KLHL8: variants seen among roughly 807,000 people sequenced by gnomAD.
KLHL8 encodes kelch-like protein 8.
KLHL8 carries 38 observed loss-of-function variants against 63.5 expected under a neutral mutation model. The observed-to-expected ratio is 0.60, with a 90% confidence interval of 0.46 to 0.78. The LOEUF is 0.78. Ranked by LOEUF, KLHL8 falls within the 30% of genes least tolerant of loss-of-function variation. The pLI, the probability that KLHL8 is intolerant of heterozygous loss-of-function variation, is 0.00. For synonymous variants in KLHL8, 224 were observed against 254.3 expected, an observed-to-expected ratio of 0.88 and a Z score of 1.13; for missense variants, 566 against 752.4, an observed-to-expected ratio of 0.75 and a Z score of 2.90.
chr4:87,163,877 C>A lies in KLHL8; in HGVS notation c.1739+1G>T. ...AAGCACGGAGACAACATGTAAATTA[C>A]CTATTCAGCACTGGATCAAACGCTT... On this transcript the variant is annotated splice_donor_variant, in intron 9 of 9. Transcript: ENST00000273963. LOFTEE classifies it high-confidence loss of function. The A allele has an allele frequency of 6.2e-7, 1 of 1,612,808 alleles. No homozygotes were observed. The highest frequency in any genetic ancestry group is 1.1e-5 in the South Asian group (1 of 91,046).
At chr4:87,230,384 ATCAAGGT>A (rs1034011870) in intron 1 of KLHL8, among the ~76,000 whole-genome samples, 1 of 152,152 alleles carries the variant, frequency 6.6e-6, no homozygotes, top group African/African-American at 2.4e-5. Context: ...TCTGGCACCA[ATCAAGGT>A]GGAGAAGGGT....
chr4:87,168,635 TTTA>T (rs895021275), intron 8 of KLHL8, among the ~76,000 whole-genome samples: 54 of 150,702 alleles, frequency 3.6e-4, no homozygotes, highest in African/African-American at 1.2e-3. Flanking sequence ...ACTGGAGATT[TTTA>T]TTTTTTAAAA....
At chr4:87,174,289 T>C (rs1730735803) in intron 6 of KLHL8, among the ~76,000 whole-genome samples, 1 of 152,030 alleles carries the variant, frequency 6.6e-6, no homozygotes, top group Admixed American at 6.6e-5. Flanking sequence ...GCAAGTTTTT[T>C]TTTTTTGAGA....
chr4:87,177,884 T>C (rs1730890608), intron 5 of KLHL8, among the ~76,000 whole-genome samples: 3 of 152,152 alleles, frequency 2.0e-5, no homozygotes, highest in Admixed American at 2.0e-4. Flanking sequence ...GTTAATATGA[T>C]CAATTTTTTT....
intron 1 of KLHL8, among the ~76,000 whole-genome samples, chr4:87,210,306 T>A (rs1005390458): frequency 4.0e-5 from 6 of 151,696 alleles, no homozygotes; most frequent in Admixed American, 2.6e-4. Flanking sequence ...GGTGAAACCG[T>A]CTCTACTAAA....
chr4:87,233,226 A>G (rs1419614954), intron 1 of KLHL8, among the ~76,000 whole-genome samples: 1 of 152,028 alleles, frequency 6.6e-6, no homozygotes. Context: ...TATTTTTAGT[A>G]GAGACAGGGT....
intron 1 of KLHL8, chr4:87,207,770 C>G: frequency 1.2e-6 from 1 of 862,410 alleles, no homozygotes; most frequent in Admixed American, 1.8e-5. Context: ...GGGAAGCTCA[C>G]TGGCATGGCC....
chr4:87,201,764 A>G (rs1401393848), intron 1 of KLHL8, among the ~76,000 whole-genome samples: 2 of 152,236 alleles, frequency 1.3e-5, no homozygotes, highest in Non-Finnish European at 2.9e-5. Flanking sequence ...AAATGCACAC[A>G]TCTAAATAAT....
intron 8 of KLHL8, chr4:87,167,314 C>A: frequency 2.2e-6 from 1 of 457,274 alleles, no homozygotes. Context: ...TGTTCAAAGA[C>A]CTGTTCCACC....
intron 8 of KLHL8, chr4:87,167,789 A>C (rs1209673343): frequency 9.3e-6 from 2 of 214,466 alleles, no homozygotes; most frequent in Admixed American, 5.2e-5. Flanking sequence ...AGCTGTTGTT[A>C]AAGTATTTGT....
At chr4:87,185,183 T>G in intron 3 of KLHL8, 68 bp downstream of exon 3, 6 of 1,342,250 alleles carry the variant, frequency 4.5e-6, no homozygotes, top group Non-Finnish European at 6.1e-6. Flanking sequence ...CTTTTCCTAA[T>G]AAATGAAGCA....
rs1730271976 is a variant in KLHL8 at position 87,163,860 on chromosome 4, A to C, written c.1739+18T>G. ...TACCAGAAGATAATATAAAGCACGG[A>C]GACAACATGTAAATTACCTATTCAG... is the stretch of plus-strand genomic sequence containing the variant. On this transcript the variant is annotated intron_variant, in intron 9 of 9. Coordinates refer to ENST00000273963, the MANE Select transcript of KLHL8 (RefSeq NM_020803.5). 6.2e-7 allele frequency: 1 copy of C among 1,608,532 alleles called. No individual in the cohort carries two copies. The highest frequency in any genetic ancestry group is 1.3e-5 in the African/African-American group (1 of 74,788).
intron 1 of KLHL8, chr4:87,206,953 T>G (rs1214979993): frequency 1.2e-5 from 3 of 255,690 alleles, no homozygotes; most frequent in Non-Finnish European, 2.3e-5. Flanking sequence ...GAGTCATGAG[T>G]GACTGAATTA....
chr4:87,220,304 T>G (rs1006359531), intron 1 of KLHL8, 114 bp downstream of exon 1: 1 of 152,502 alleles, frequency 6.6e-6, no homozygotes, highest in Admixed American at 6.5e-5. Context: ...GGGACGGTGT[T>G]GCGACTTGGG....
At chr4:87,215,551 G>T (rs1732562454) in intron 1 of KLHL8, among the ~76,000 whole-genome samples, 1 of 152,192 alleles carries the variant, frequency 6.6e-6, no homozygotes. Context: ...TCACAAGTTT[G>T]TTTAGCATCA....
chr4:87,226,714 ATTAT>A lies in KLHL8; in HGVS notation n.58-5328_58-5325del, dbSNP rs1176790261. 1.8e-4 allele frequency among the ~76,000 whole-genome samples: 5 copies of A among 27,652 alleles called. 2 individuals carry two copies. Among genetic ancestry groups the A allele is most frequent in the Non-Finnish European group, 2.9e-4 (5 of 16,966 alleles). 18.1% of individuals were successfully genotyped at this position (27,652 alleles called of 152,430 possible). Reference sequence around the variant, plus strand: ...TATATATTATTTATATATAATATATATTATTTATATATAATATATATTATTTATA... The same window carrying A: ...TATATATTATTTATATATAATATATATTATATATAATATATATTATTTATA... On this transcript the variant is annotated intron_variant and non_coding_transcript_variant, in intron 1 of 1. Transcript: ENST00000506274.
upstream of KLHL8, among the ~76,000 whole-genome samples, chr4:87,222,880 G>A (rs1383958964): frequency 3.9e-5 from 6 of 152,124 alleles, no homozygotes; most frequent in African/African-American, 1.2e-4. Context: ...CACCACGCCC[G>A]GCCTACAATA....
At chr4:87,193,612 C>T (rs1271096449) in intron 2 of KLHL8, among the ~76,000 whole-genome samples, 1 of 152,104 alleles carries the variant, frequency 6.6e-6, no homozygotes, top group Non-Finnish European at 1.5e-5. Context: ...ATACATAAGC[C>T]TGTAACATAA....
chr4:87,198,698 C>T (rs1016873774), intron 1 of KLHL8, among the ~76,000 whole-genome samples: 3 of 152,152 alleles, frequency 2.0e-5, no homozygotes, highest in Admixed American at 2.0e-4. Context: ...ATGAGTAGCA[C>T]AAGAGATACT....
Sources: allele counts gnomAD v4.1 joint callset (sites outside exome capture counted in the v4.1 genomes callset), GRCh38; gene constraint gnomAD v4.1.1; transcripts MANE v1.5; gene names NCBI Gene and HGNC (gene_info 2026-07-23, HGNC 2026-07-21).